Variants in RNF222 observed in about 807,000 individuals in gnomAD.
RNF222 encodes the protein RING finger protein LOC643904.
A neutral mutation model predicts 10.8 loss-of-function variants in RNF222; 14 were observed. The ratio of observed to expected loss-of-function variants is 1.30; its 90% CI spans 0.86 to 2.03. The LOEUF (loss-of-function observed/expected upper bound fraction) is 2.03. Among genes scored for constraint, RNF222 ranks in the 30% most tolerant of loss-of-function variants. The pLI is 0.00. For synonymous variants in RNF222, 141 were observed against 142.5 expected (o/e 0.99, Z 0.07); for missense variants, 298 against 295.8 (o/e 1.01, Z -0.06).
Position 8,392,556 on chromosome 17 carries a change from A to T in RNF222, c.*243T>A. On this transcript the variant is annotated 3_prime_UTR_variant, in exon 3 of 3. Transcript: ENST00000399398. This position sits in a 1 kb window ranked among gnomAD's most constrained non-coding sequence, Gnocchi z 4.3. ...CCACCCATCTTCCCAGCCTAGAGGA[A>T]GGGGAACGCATCTGCTGAGGATTCA... The T allele has an allele frequency of 1.9e-6, 1 of 523,828 alleles. No individual in the cohort carries two copies. The allele number at this position is 523,828 out of a possible 1,614,324, so 32.4% of individuals were successfully genotyped here.
rs1200010478 is a variant in RNF222, at chr17:8,393,096, C to T, written c.366G>A (p.Gln122=). The T allele has an allele frequency of 6.6e-7, 1 of 1,505,900 alleles. No individual in the cohort carries two copies. Among genetic ancestry groups the T allele is most frequent in the Non-Finnish European group, 8.9e-7 (1 of 1,127,818 alleles). The allele number at this position is 1,505,900 out of a possible 1,614,324, so 93.3% of individuals were successfully genotyped here. Residue 122 remains glutamine (Q), a synonymous_variant, in exon 3 of 3, where the codon CAG becomes CAA. Transcript: ENST00000399398. ...GGCCCGGGCTGCCTGGCGGCCTGGC[C>T]TGGCCTGGAGGTGGCCTCCAGGCAG... is the stretch of plus-strand genomic sequence containing the variant. ...SSPAWRPPPG[Q]ARPPGSPGQS...
rs931916323 is a variant in RNF222, at chr17:8,392,850, G to A, written c.612C>T (p.Ala204=). 9 of 1,533,128 alleles carry A rather than the reference G, an allele frequency of 5.9e-6. No individual in the cohort carries two copies. The highest frequency in any genetic ancestry group is 7.0e-6 in the Non-Finnish European group (8 of 1,146,326). 95.0% of individuals were successfully genotyped at this position (1,533,128 alleles called of 1,614,324 possible). A position where few individuals can be genotyped will look rare whatever the true frequency, so the allele number is the denominator to read the frequency against. The change falls in exon 3 of 3, where the codon GCC becomes GCT. Residue 204 remains alanine (A), a synonymous_variant. Coordinates refer to ENST00000399398, the MANE Select transcript of RNF222 (RefSeq NM_001146684.3). This position sits in a 1 kb window ranked among gnomAD's most constrained non-coding sequence, Gnocchi z 4.3. ...CCCAGGGCAGGATGGCGGCCACCACGGCCACCACAGCGATGAGCGTGATGA... is the reference window on the plus strand; with the variant it reads ...CCCAGGGCAGGATGGCGGCCACCACAGCCACCACAGCGATGAGCGTGATGA... ...LLLITLIAVV[A]VVAAILPWVL...
At position 8,397,814 on chromosome 17, in the gene RNF222, C is replaced by T. The variant is rs1272949572; in HGVS notation, c.-297G>A. 6.6e-6 allele frequency: 1 copy of T among 152,430 alleles called. No individual in the cohort carries two copies. Among genetic ancestry groups the T allele is most frequent in the African/African-American group, 2.4e-5 (1 of 41,458 alleles). 9.4% of individuals were successfully genotyped at this position (152,430 alleles called of 1,614,324 possible). A position where few individuals can be genotyped will look rare whatever the true frequency, so the allele number is the denominator to read the frequency against. ...GTTAGTGTGACCGCCACCGCCGAGG[C>T]AATTCCTAATGACAGAGCAGGTCGG... On this transcript the variant is annotated 5_prime_UTR_variant, in exon 1 of 3. Transcript: ENST00000399398.
Position 8,392,178 on chromosome 17 carries a change from G to A in RNF222, c.*621C>T, listed in dbSNP as rs1008038030. ...TGGCCTCAGCTCTGCAGGAAGAACA[G>A]TTTCTGTTCATTCTCCCAGAAATTC... On this transcript the variant is annotated 3_prime_UTR_variant, in exon 3 of 3. Transcript: ENST00000399398. The surrounding 1 kb of genome is among the most constrained non-coding windows in gnomAD (Gnocchi z 4.3). 6.5e-6 allele frequency: 1 copy of A among 152,782 alleles called. No individual in the cohort carries two copies. Among genetic ancestry groups the A allele is most frequent in the African/African-American group, 2.4e-5 (1 of 41,456 alleles). The allele number at this position is 152,782 out of a possible 1,614,324, so 9.5% of individuals were successfully genotyped here. A position where few individuals can be genotyped will look rare whatever the true frequency, so the allele number is the denominator to read the frequency against.
Position 8,393,333 on chromosome 17 carries a change from G to C in RNF222, c.129C>G (p.Val43=), listed in dbSNP as rs1455462869. ...CGHVFCHDCL[V]KYLLSTRVDG... ...CCACGCGGGTGGACAGCAGGTACTT[G>C]ACCAGGCAGTCATGGCAGAACACAT... Residue 43 remains valine, a synonymous_variant, in exon 3 of 3, where the codon GTC becomes GTG. Transcript: ENST00000399398. The C allele has an allele frequency of 6.4e-7, 1 of 1,551,688 alleles. No homozygotes were observed. Among genetic ancestry groups the C allele is most frequent in the Non-Finnish European group, 8.7e-7 (1 of 1,146,988 alleles).
chr17:8,393,565 C>A, intron 2 of RNF222, 79 bp from the exon 3 acceptor site: 1 of 1,452,960 alleles, frequency 6.9e-7, no homozygotes, highest in South Asian at 1.4e-5. Context: ...ACACCTCTGC[C>A]TCCACTGCCC....
intron 1 of RNF222, among the ~76,000 whole-genome samples, chr17:8,396,812 C>T (rs762965289): frequency 3.3e-5 from 5 of 152,088 alleles, no homozygotes; most frequent in Non-Finnish European, 7.3e-5. Flanking sequence ...CCTTGAGTTC[C>T]TCTTATGGTA....
At chr17:8,396,243 G>A (rs1280440786) in intron 1 of RNF222, among the ~76,000 whole-genome samples, 3 of 152,124 alleles carry the variant, frequency 2.0e-5, no homozygotes, top group African/African-American at 7.2e-5. Context: ...CTAGAGAGAG[G>A]GAAGTGAGTC....
intron 1 of RNF222, among the ~76,000 whole-genome samples, chr17:8,397,479 A>T (rs967415611): frequency 1.3e-5 from 2 of 152,062 alleles, no homozygotes; most frequent in Non-Finnish European, 2.9e-5. Flanking sequence ...ACAGAATGAT[A>T]CTTCCAGGCA....
Position 8,392,830 on chromosome 17 carries a change from G to A in RNF222, c.632C>T (p.Pro211Leu), listed in dbSNP as rs1040624067. The change falls in exon 3 of 3, where the codon CCC becomes CTC. Residue 211 changes from proline (P) to leucine (L), a missense_variant. Physicochemically the swap from Pro to Leu is moderately conservative, Grantham distance 98. Coordinates refer to ENST00000399398, the MANE Select transcript of RNF222 (RefSeq NM_001146684.3). The surrounding 1 kb of genome is among the most constrained non-coding windows in gnomAD (Gnocchi z 4.3). ...AVVAVVAAIL[P>L]WVLLVRKQA ...CTGCTTCCTCACCAGCAGCACCCAGGGCAGGATGGCGGCCACCACGGCCAC... is the reference window on the plus strand; with the variant it reads ...CTGCTTCCTCACCAGCAGCACCCAGAGCAGGATGGCGGCCACCACGGCCAC... 32 of 1,532,790 alleles carry A rather than the reference G, an allele frequency of 2.1e-5. No homozygotes were observed. In the Admixed American group the frequency reaches 3.7e-4, roughly 18 times the overall value. 94.9% of individuals were successfully genotyped at this position (1,532,790 alleles called of 1,614,324 possible). A position where few individuals can be genotyped will look rare whatever the true frequency, so the allele number is the denominator to read the frequency against.
At chr17:8,393,525 T>C in intron 2 of RNF222, 39 bp from the exon 3 acceptor site, 1 of 1,486,470 alleles carries the variant, frequency 6.7e-7, no homozygotes, top group Non-Finnish European at 9.0e-7. Context: ...GGGCATTTCC[T>C]CTTTCCCTCC....
At position 8,392,862 on chromosome 17, in the gene RNF222, G is replaced by A; in HGVS notation, c.600C>T (p.Ile200=). The A allele has an allele frequency of 3.3e-6, 5 of 1,533,340 alleles. No homozygotes were observed. Among genetic ancestry groups the A allele is most frequent in the Non-Finnish European group, 3.5e-6 (4 of 1,146,286 alleles). The allele number at this position is 1,533,340 out of a possible 1,614,324, so 95.0% of individuals were successfully genotyped here. ...TGGCGGCCACCACGGCCACCACAGCGATGAGCGTGATGAGCAGCAGGGCCC... is the reference window on the plus strand; with the variant it reads ...TGGCGGCCACCACGGCCACCACAGCAATGAGCGTGATGAGCAGCAGGGCCC... ...RSRALLLITL[I]AVVAVVAAIL... is the part of the protein sequence containing the mutation. Residue 200 remains isoleucine, a synonymous_variant, in exon 3 of 3, where the codon ATC becomes ATT. Coordinates refer to ENST00000399398, the MANE Select transcript of RNF222 (RefSeq NM_001146684.3). The surrounding 1 kb of genome is among the most constrained non-coding windows in gnomAD (Gnocchi z 4.3).
Position 8,393,117 on chromosome 17 carries a change from G to A in RNF222, c.345C>T (p.Ala115=), listed in dbSNP as rs771241995. The A allele has an allele frequency of 6.5e-7, 1 of 1,527,650 alleles. No individual in the cohort carries two copies. The highest frequency in any genetic ancestry group is 1.2e-5 in the South Asian group (1 of 81,044). The allele number at this position is 1,527,650 out of a possible 1,614,324, so 94.6% of individuals were successfully genotyped here. ...HTNPLAASSP[A]WRPPPGQARP... The stretch of plus-strand genomic sequence containing the variant: ...TGGCCTGGCCTGGAGGTGGCCTCCA[G>A]GCAGGGGAGGAGGCGGCCAGGGGGT... The change falls in exon 3 of 3, where the codon GCC becomes GCT. Residue 115 remains alanine (A), a synonymous_variant. Transcript: ENST00000399398.
At position 8,391,735 on chromosome 17, in the gene RNF222, A is replaced by G. The variant is rs1163689230; in HGVS notation, c.*1064T>C. ...AGTCCAACGTGGGGGCCCCAGGCAA[A>G]GAGACCTTGAGGAGCAGCTGAGGGC... On this transcript the variant is annotated 3_prime_UTR_variant, in exon 3 of 3. Transcript: ENST00000399398. 6.6e-6 allele frequency: 1 copy of G among 152,210 alleles called. No individual in the cohort carries two copies. 9.4% of individuals were successfully genotyped at this position (152,210 alleles called of 1,614,324 possible).
intron 1 of RNF222, among the ~76,000 whole-genome samples, chr17:8,397,205 T>G (rs1174905600): frequency 6.6e-6 from 1 of 152,182 alleles, no homozygotes; most frequent in East Asian, 1.9e-4. Flanking sequence ...GTCAAAGGAA[T>G]AGAAGAAATA....
Position 8,393,291 on chromosome 17 carries a change from C to T in RNF222, c.171G>A (p.Arg57=). 1 of 1,551,488 alleles carries T rather than the reference C, an allele frequency of 6.4e-7. No individual in the cohort carries two copies. ...AGCGGCAGATGGGGCAGACCAGGGTCCTCTGGACCTGCCCATCCACGCGGG... is the reference window on the plus strand; with the variant it reads ...AGCGGCAGATGGGGCAGACCAGGGTTCTCTGGACCTGCCCATCCACGCGGG... ...LSTRVDGQVQ[R]TLVCPICRYV... The change falls in exon 3 of 3, where the codon AGG becomes AGA. Residue 57 remains arginine (R), a synonymous_variant. Transcript: ENST00000399398.
chr17:8,393,110 G>T lies in RNF222; in HGVS notation c.352C>A (p.Pro118Thr). 1 of 1,518,338 alleles carries T rather than the reference G, an allele frequency of 6.6e-7. No individual in the cohort carries two copies. 94.1% of individuals were successfully genotyped at this position (1,518,338 alleles called of 1,614,324 possible). ...GGCGGCCTGGCCTGGCCTGGAGGTG[G>T]CCTCCAGGCAGGGGAGGAGGCGGCC... ...PLAASSPAWR[P>T]PPGQARPPGS... Residue 118 changes from proline (P) to threonine (T), a missense_variant, in exon 3 of 3, where the codon CCA becomes ACA. By Grantham distance (38) the Pro-to-Thr change is conservative. Coordinates refer to ENST00000399398, the MANE Select transcript of RNF222 (RefSeq NM_001146684.3).
Position 8,392,868 on chromosome 17 carries a change from C to T in RNF222, c.594G>A (p.Thr198=). The change falls in exon 3 of 3, where the codon ACG becomes ACA. Residue 198 remains threonine (T), a synonymous_variant. Coordinates refer to ENST00000399398, the MANE Select transcript of RNF222 (RefSeq NM_001146684.3). The surrounding 1 kb of genome is among the most constrained non-coding windows in gnomAD (Gnocchi z 4.3). ...CCACCACGGCCACCACAGCGATGAG[C>T]GTGATGAGCAGCAGGGCCCGCGATC... ...CCRSRALLLI[T]LIAVVAVVAA... is the part of the protein sequence containing the mutation. 2.6e-6 allele frequency: 4 copies of T among 1,533,462 alleles called. No homozygotes were observed. Among genetic ancestry groups the T allele is most frequent in the African/African-American group, 1.4e-5 (1 of 73,030 alleles). 95.0% of individuals were successfully genotyped at this position (1,533,462 alleles called of 1,614,324 possible).
intron 1 of RNF222, among the ~76,000 whole-genome samples, chr17:8,394,833 G>A (rs1189569945): frequency 6.6e-6 from 1 of 152,216 alleles, no homozygotes; most frequent in Non-Finnish European, 1.5e-5. Context: ...AACATCCACT[G>A]GGGTGTGTGG....
Sources: allele counts gnomAD v4.1 joint callset (sites outside exome capture counted in the v4.1 genomes callset), GRCh38; gene constraint gnomAD v4.1.1; non-coding constraint Gnocchi (gnomAD v3.1); transcripts MANE v1.5; gene names NCBI Gene and HGNC (gene_info 2026-07-23, HGNC 2026-07-21).